Variants in THOC1 observed in about 807,000 individuals in gnomAD.
THOC1 encodes the protein THO complex subunit 1.
In THOC1, 29 loss-of-function variants were observed where a neutral mutation model predicts 97.3. The ratio of observed to expected loss-of-function variants is 0.30; its 90% CI spans 0.22 to 0.41. The LOEUF (loss-of-function observed/expected upper bound fraction) is 0.41. THOC1 is among the 10% of genes least tolerant of loss of function. THOC1 has a pLI of 1.00. For synonymous variants in THOC1, 255 were observed against 257.0 expected (o/e 0.99, Z 0.07); for missense variants, 529 against 761.9 (o/e 0.69, Z 3.60).
At chr18:236,187 A>G (rs1013061944) in intron 11 of THOC1, among the ~76,000 whole-genome samples, 7 of 152,072 alleles carry the variant, frequency 4.6e-5, no homozygotes, top group Admixed American at 4.6e-4. Flanking sequence ...TTTTAGGTAT[A>G]TATCCCTTGT....
intron 16 of THOC1, 23 bp from the exon 17 acceptor site, chr18:223,528 A>C: frequency 1.3e-6 from 2 of 1,541,152 alleles, no homozygotes; most frequent in Non-Finnish European, 1.8e-6. Flanking sequence ...CACAGAAATA[A>C]ATACATTTTT....
At chr18:227,046 T>C in intron 11 of THOC1, 145 bp from the exon 12 acceptor site, 2 of 658,692 alleles carry the variant, frequency 3.0e-6, no homozygotes, top group South Asian at 3.8e-5. Context: ...ATGTGAGGCA[T>C]TACCGCACAA....
intron 1 of THOC1, among the ~76,000 whole-genome samples, chr18:267,479 T>G (rs1030473063): frequency 1.2e-4 from 19 of 152,216 alleles, no homozygotes; most frequent in African/African-American, 4.3e-4. Flanking sequence ...CCGCTTAGGA[T>G]CTCATCGATC....
At chr18:223,365 C>G (rs534543297) in intron 17 of THOC1, 75 bp downstream of exon 17, 2 of 1,227,528 alleles carry the variant, frequency 1.6e-6, no homozygotes, top group South Asian at 2.8e-5. Flanking sequence ...GAGCTCTGAT[C>G]ATAGCTGAGA....
chr18:258,590 T>C (rs772965926), intron 7 of THOC1, among the ~76,000 whole-genome samples: 2 of 152,058 alleles, frequency 1.3e-5, no homozygotes, highest in Non-Finnish European at 2.9e-5. Flanking sequence ...CCTCAGAACA[T>C]ATAAAGTAGG....
chr18:234,543 G>GA, intron 11 of THOC1, among the ~76,000 whole-genome samples: 1 of 148,160 alleles, frequency 6.7e-6, no homozygotes, highest in East Asian at 2.0e-4. Context: ...TCTTTAATCT[G>GA]TTTTTTTTTT....
intron 11 of THOC1, among the ~76,000 whole-genome samples, chr18:232,880 C>T (rs1911533271): frequency 6.6e-6 from 1 of 151,998 alleles, no homozygotes; most frequent in South Asian, 2.1e-4. Flanking sequence ...CTTTAAATTA[C>T]TTTTTCTTAT....
Position 254,565 on chromosome 18 carries a change from CTT to C in THOC1, c.521-212_521-211del, listed in dbSNP as rs35994127. On this transcript the variant is annotated intron_variant, in intron 7 of 20. Transcript: ENST00000261600. This position sits in a 1 kb window ranked among gnomAD's most constrained non-coding sequence, Gnocchi z 4.1. The stretch of plus-strand genomic sequence containing the variant: ...CTTGTTTTGTTGTTCTTCACAGTTT[CTT>C]GTTTTTTTAAATAAATTGAATGGCA... 0.17 allele frequency among the ~76,000 whole-genome samples: 25,359 copies of C among 152,096 alleles called. 2,382 individuals carry two copies. Among genetic ancestry groups the C allele is most frequent in the Non-Finnish European group, 0.23 (15,344 of 67,948 alleles).
At position 219,552 on chromosome 18, in the gene THOC1, A is replaced by G. The variant is rs1911006490; in HGVS notation, c.1371-583T>C. On this transcript the variant is annotated intron_variant, in intron 17 of 20. Coordinates refer to ENST00000261600, the MANE Select transcript of THOC1 (RefSeq NM_005131.3). ...CTAATGGCCCCATACTTTTAGTTAC[A>G]GTTTTGATTACGTGGGAACTCCAGA... 2.0e-5 allele frequency among the ~76,000 whole-genome samples: 3 copies of G among 152,244 alleles called. No homozygotes were observed. In the South Asian group the frequency reaches 6.2e-4, roughly 32 times the overall value.
Position 264,032 on chromosome 18 carries a change from T to C in THOC1, c.250A>G (p.Thr84Ala), listed in dbSNP as rs200172012. Residue 84 changes from threonine (T) to alanine (A), a missense_variant, in exon 4 of 21, where the codon ACT becomes GCT. Coordinates refer to ENST00000261600, the MANE Select transcript of THOC1 (RefSeq NM_005131.3). ...AAAACGGAACCATACTTACCTTCAG[T>C]TACTCCCCCAATAGCAAGAGAAATA... ...AIISLAIGGV[T>A]EGICTASTPF... The C allele has an allele frequency of 3.8e-5, 62 of 1,610,934 alleles. No individual in the cohort carries two copies. The highest frequency in any genetic ancestry group is 1.7e-4 in the Middle Eastern group (1 of 6,056).
At chr18:235,260 T>C (rs1427240505) in intron 11 of THOC1, among the ~76,000 whole-genome samples, 4 of 152,146 alleles carry the variant, frequency 2.6e-5, no homozygotes, top group Non-Finnish European at 5.9e-5. Flanking sequence ...TCATTTTCCT[T>C]GCACAAGCTC....
chr18:224,361 C>T (rs888333684), intron 15 of THOC1, among the ~76,000 whole-genome samples, 182 bp from the exon 16 acceptor site: 1 of 151,994 alleles, frequency 6.6e-6, no homozygotes, highest in Non-Finnish European at 1.5e-5. Context: ...GGTGGATCAC[C>T]TGAGGTCAGG....
At chr18:224,053 G>A in intron 16 of THOC1, 31 bp downstream of exon 16, 1 of 1,381,070 alleles carries the variant, frequency 7.2e-7, no homozygotes, top group South Asian at 1.2e-5. Flanking sequence ...AAATAACTAA[G>A]AACATCCCAC....
rs1044467659 is a variant in THOC1 at position 239,208 on chromosome 18, C to G, written c.918+7116G>C. On this transcript the variant is annotated intron_variant, in intron 11 of 20. Transcript: ENST00000261600. Reference sequence around the variant, plus strand: ...CGCTATCCGGTAAAGTTTTAATATTCTATAGGATTACAGAGTATTGAAAAA... The same window carrying G: ...CGCTATCCGGTAAAGTTTTAATATTGTATAGGATTACAGAGTATTGAAAAA... Among the ~76,000 whole-genome samples the G allele has an allele frequency of 1.1e-4, 17 of 152,194 alleles. No individual in the cohort carries two copies. The South Asian group carries it at 3.3e-3, about 30-fold the overall frequency.
intron 19 of THOC1, chr18:215,809 G>A (rs1016924609): frequency 1.3e-5 from 4 of 297,524 alleles, no homozygotes; most frequent in African/African-American, 2.2e-5. Flanking sequence ...TAGTAAAGAC[G>A]GCCTCAAGGA....
chr18:237,157 A>ATT (rs763933161), intron 11 of THOC1, among the ~76,000 whole-genome samples: 76 of 126,298 alleles, frequency 6.0e-4, no homozygotes, highest in African/African-American at 1.2e-3. Context: ...CATGTACTGG[A>ATT]TTTTTTTTTT....
intron 18 of THOC1, among the ~76,000 whole-genome samples, chr18:217,588 G>A (rs182522234): frequency 1.8e-4 from 27 of 152,230 alleles, no homozygotes; most frequent in African/African-American, 6.0e-4. Flanking sequence ...CAGTAAGGCA[G>A]GCATTGCTAG....
At chr18:248,361 T>C (rs1266755589) in intron 9 of THOC1, among the ~76,000 whole-genome samples, 6 of 152,160 alleles carry the variant, frequency 3.9e-5, no homozygotes, top group Admixed American at 2.6e-4. Context: ...GATGTGAGCG[T>C]GAGCCACCTT....
At chr18:244,873 C>G (rs1468804240) in intron 11 of THOC1, 1 of 151,776 alleles carries the variant, frequency 6.6e-6, no homozygotes, top group Non-Finnish European at 1.5e-5. Flanking sequence ...AAAAAAAAAT[C>G]TGTCTGTGCT....
Sources: gnomAD v4.1 joint callset for allele counts (sites outside exome capture counted in the v4.1 genomes callset) on GRCh38, gnomAD v4.1.1 for gene constraint, Gnocchi (gnomAD v3.1) non-coding constraint, MANE v1.5 for transcripts, NCBI Gene and HGNC (gene_info 2026-07-23, HGNC 2026-07-21) for gene names.